Variants in TATDN3 observed in about 807,000 individuals in gnomAD.
The protein encoded by TATDN3 is TatD DNase domain containing 3.
TATDN3 carries 29 observed loss-of-function variants against 40.1 expected under a neutral mutation model. That is an observed-to-expected ratio of 0.72 (90% CI 0.54 to 0.99). The LOEUF is 0.99. TATDN3 is among the 50% of genes least tolerant of loss of function. The pLI is 0.00. For synonymous variants in TATDN3, 105 were observed against 117.0 expected (o/e 0.90, Z 0.66); for missense variants, 309 against 321.9 (o/e 0.96, Z 0.31).
At chr1:212,798,821 T>C (rs1661989164) in intron 4 of TATDN3, among the ~76,000 whole-genome samples, 1 of 152,306 alleles carries the variant, frequency 6.6e-6, no homozygotes, top group Non-Finnish European at 1.5e-5. Context: ...AAGATCCTGC[T>C]CATGGAAGCT....
rs183585400 is a variant in TATDN3, at chr1:212,815,881, T to G, written c.*725T>G. On this transcript the variant is annotated 3_prime_UTR_variant, in exon 10 of 10. Transcript: ENST00000366974. Reference sequence around the variant, plus strand: ...TAGGAGTTAGCCAGTGAAGGGAGAATGTCTGGTTTTCTATGCTGTCAGAAA... The same window carrying G: ...TAGGAGTTAGCCAGTGAAGGGAGAAGGTCTGGTTTTCTATGCTGTCAGAAA... 1 of 152,322 alleles carries G rather than the reference T, an allele frequency of 6.6e-6. No homozygotes were observed. Among genetic ancestry groups the G allele is most frequent in the East Asian group, 1.9e-4 (1 of 5,188 alleles). 9.4% of individuals were successfully genotyped at this position (152,322 alleles called of 1,614,324 possible).
intron 5 of TATDN3, 96 bp downstream of exon 5, chr1:212,802,859 C>G: frequency 1.2e-6 from 1 of 846,578 alleles, no homozygotes; most frequent in Non-Finnish European, 1.9e-6. Flanking sequence ...TTATAACTGA[C>G]TTGTATAATT....
rs1663201736 is a variant in TATDN3, at chr1:212,816,686, A to T, written c.*1530A>T. ...TGAATTCATTTATGGAAGAATCAAA[A>T]CTAGGTCAGATTGTCCAAACCAGAC... On this transcript the variant is annotated 3_prime_UTR_variant, in exon 10 of 10. Transcript: ENST00000366974. 2.0e-5 allele frequency: 3 copies of T among 152,348 alleles called. No homozygotes were observed. In the South Asian group the frequency reaches 6.2e-4, roughly 32 times the overall value. 9.4% of individuals were successfully genotyped at this position (152,348 alleles called of 1,614,324 possible). A position where few individuals can be genotyped will look rare whatever the true frequency, so the allele number is the denominator to read the frequency against.
At chr1:212,814,025 G>T (rs1486180798) in intron 9 of TATDN3, among the ~76,000 whole-genome samples, 2 of 150,690 alleles carry the variant, frequency 1.3e-5, no homozygotes, top group Admixed American at 6.6e-5. Context: ...TCACTATGTT[G>T]CCCAGGCTGG....
In TATDN3 at chr1:212,816,192, G is replaced by T. The variant is rs1258393653; in HGVS notation, c.*1036G>T. On this transcript the variant is annotated 3_prime_UTR_variant, in exon 10 of 10. Coordinates refer to ENST00000366974, the MANE Select transcript of TATDN3 (RefSeq NM_001042552.3). Reference sequence around the variant, plus strand: ...CATATTTTTAAGTTTAAAAATGTTAGTGTAAGCCAGGCACAGTGGCATTCA... The same window carrying T: ...CATATTTTTAAGTTTAAAAATGTTATTGTAAGCCAGGCACAGTGGCATTCA... 1.3e-5 allele frequency: 2 copies of T among 152,262 alleles called. No individual in the cohort carries two copies. The highest frequency in any genetic ancestry group is 3.9e-4 in the East Asian group (2 of 5,188). The allele number at this position is 152,262 out of a possible 1,614,324, so 9.4% of individuals were successfully genotyped here.
chr1:212,801,051 A>G (rs1003997528), intron 4 of TATDN3, among the ~76,000 whole-genome samples: 2 of 151,938 alleles, frequency 1.3e-5, no homozygotes, highest in Non-Finnish European at 2.9e-5. Context: ...TTAGCCAGGC[A>G]TGGTGGCATG....
intron 4 of TATDN3, among the ~76,000 whole-genome samples, chr1:212,800,721 A>G (rs1187464625): frequency 1.3e-5 from 2 of 151,716 alleles, no homozygotes; most frequent in Non-Finnish European, 2.9e-5. Flanking sequence ...TTTCAGCAGC[A>G]TGGTGGAAAC....
intron 9 of TATDN3, among the ~76,000 whole-genome samples, chr1:212,813,537 A>G (rs773924760): frequency 1.3e-5 from 2 of 150,710 alleles, no homozygotes; most frequent in Non-Finnish European, 3.0e-5. Context: ...ATGTTCAATT[A>G]ATGTTTCTAT....
At position 212,815,217 on chromosome 1, in the gene TATDN3, A is replaced by C; in HGVS notation, c.*61A>C. On this transcript the variant is annotated 3_prime_UTR_variant, in exon 10 of 10. Coordinates refer to ENST00000366974, the MANE Select transcript of TATDN3 (RefSeq NM_001042552.3). Reference sequence around the variant, plus strand: ...CAGGGGGCAGCATTTGAAAAATAGAAATGTTCTGATGAAGAATCTGAACTG... The same window carrying C: ...CAGGGGGCAGCATTTGAAAAATAGACATGTTCTGATGAAGAATCTGAACTG... 6 of 1,535,406 alleles carry C rather than the reference A, an allele frequency of 3.9e-6. No individual in the cohort carries two copies. Among genetic ancestry groups the C allele is most frequent in the Non-Finnish European group, 5.2e-6 (6 of 1,144,264 alleles).
chr1:212,806,940 A>T (rs1441321389), intron 7 of TATDN3, among the ~76,000 whole-genome samples: 1 of 144,250 alleles, frequency 6.9e-6, no homozygotes. Context: ...ATATTTATTT[A>T]TTTTATTTAT....
intron 7 of TATDN3, 55 bp from the exon 8 acceptor site, chr1:212,807,676 TATTTA>T: frequency 7.6e-7 from 1 of 1,322,234 alleles, no homozygotes; most frequent in Non-Finnish European, 1.1e-6. Flanking sequence ...AGACTTCTGT[TATTTA>T]ATTTGATTGA....
intron 7 of TATDN3, among the ~76,000 whole-genome samples, chr1:212,807,146 A>G (rs112258891): frequency 0.023 from 3,454 of 151,744 alleles, 63 homozygotes; most frequent in South Asian, 0.041. Context: ...GGGTTTCACC[A>G]TGCTAGTCAG....
intron 7 of TATDN3, among the ~76,000 whole-genome samples, chr1:212,805,030 CA>C (rs1422875044): frequency 1.3e-5 from 2 of 149,202 alleles, no homozygotes; most frequent in Non-Finnish European, 3.0e-5. Flanking sequence ...GGCACAATCT[CA>C]GCTCACTGCA....
chr1:212,794,863 C>T (rs936660752), intron 1 of TATDN3: 3 of 643,032 alleles, frequency 4.7e-6, no homozygotes, highest in Non-Finnish European at 8.6e-6. Flanking sequence ...CAGAGAAATA[C>T]CCTGTATATT....
intron 1 of TATDN3, chr1:212,794,572 A>C (rs1431768569): frequency 5.8e-6 from 2 of 342,754 alleles, no homozygotes; most frequent in East Asian, 7.4e-5. Flanking sequence ...GCTGGGAGAC[A>C]AGAGTGAAAC....
chr1:212,801,083 G>A (rs776059379), intron 4 of TATDN3, among the ~76,000 whole-genome samples: 3 of 151,704 alleles, frequency 2.0e-5, no homozygotes, highest in East Asian at 1.9e-4. Context: ...CCAGCTACTC[G>A]AGAGGCTGAG....
Position 212,802,721 on chromosome 1 carries a change from C to CA in TATDN3, c.280dup (p.Ile94AsnfsTer3), listed in dbSNP as rs1380769343. 6.2e-7 allele frequency: 1 copy of CA among 1,612,780 alleles called. No individual in the cohort carries two copies. ...CCCAGGATTTGGATGTAGCTTTGCC[C>CA]ATTATTGAGAATTATAAGGATCGGT... is the stretch of plus-strand genomic sequence containing the variant. On this transcript the variant is annotated frameshift_variant, in exon 5 of 10. Coordinates refer to ENST00000366974, the MANE Select transcript of TATDN3 (RefSeq NM_001042552.3). LOFTEE classifies it high-confidence loss of function.
At chr1:212,795,302 G>A (rs571926992) in intron 2 of TATDN3, among the ~76,000 whole-genome samples, 175 bp downstream of exon 2, 163 of 145,850 alleles carry the variant, frequency 1.1e-3, no homozygotes, top group African/African-American at 3.7e-3. Context: ...ACAGAGTCTC[G>A]CTCTGTCGCC....
chr1:212,811,858 ATG>A, intron 8 of TATDN3, among the ~76,000 whole-genome samples: 3 of 151,868 alleles, frequency 2.0e-5, no homozygotes, highest in Admixed American at 2.0e-4. Context: ...GCCTGCCACC[ATG>A]CCTGGCTAAT....
Sources: allele counts gnomAD v4.1 joint callset (sites outside exome capture counted in the v4.1 genomes callset), GRCh38; gene constraint gnomAD v4.1.1; transcripts MANE v1.5; gene names NCBI Gene and HGNC (gene_info 2026-07-23, HGNC 2026-07-21).